The following TMEM132D variants were observed in gnomAD, a reference collection of about 807,000 sequenced individuals.
TMEM132D encodes the protein mature OL transmembrane protein.
A neutral mutation model predicts 62.3 loss-of-function variants in TMEM132D; 21 were observed. The ratio of observed to expected loss-of-function variants is 0.34; its 90% CI spans 0.24 to 0.49. The LOEUF (loss-of-function observed/expected upper bound fraction) is 0.49, where lower values mean the gene tolerates loss of function less well. Ranked by LOEUF, TMEM132D falls within the 20% of genes least tolerant of loss-of-function variation. TMEM132D has a pLI of 0.99. For synonymous variants in TMEM132D, 621 were observed against 575.6 expected (o/e 1.08, Z -1.13); for missense variants, 1,346 against 1,402.8 (o/e 0.96, Z 0.65).
At chr12:129,476,105 T>C (rs1042650241) in intron 3 of TMEM132D, among the ~76,000 whole-genome samples, 5 of 152,156 alleles carry the variant, frequency 3.3e-5, no homozygotes, top group African/African-American at 1.2e-4. Context: ...GTGGGGGGTT[T>C]AGTATCCCTG....
chr12:129,612,154 C>T (rs1205060655), intron 2 of TMEM132D, among the ~76,000 whole-genome samples: 1 of 152,146 alleles, frequency 6.6e-6, no homozygotes, highest in East Asian at 1.9e-4. Context: ...GCTGTAACAT[C>T]CATCACATTT....
At chr12:129,224,284 G>A (rs552227976) in intron 4 of TMEM132D, among the ~76,000 whole-genome samples, 25 of 152,186 alleles carry the variant, frequency 1.6e-4, no homozygotes, top group Admixed American at 6.5e-5. Context: ...TTTTCCCGGG[G>A]ATCCTCCCAT....
intron 2 of TMEM132D, among the ~76,000 whole-genome samples, chr12:129,533,677 A>G (rs1211172036): frequency 6.6e-6 from 1 of 152,250 alleles, no homozygotes; most frequent in African/African-American, 2.4e-5. Flanking sequence ...GGCTTGTTCA[A>G]CCCATGAAGT....
chr12:129,205,564 G>C (rs971912767), intron 5 of TMEM132D, among the ~76,000 whole-genome samples: 1 of 152,142 alleles, frequency 6.6e-6, no homozygotes, highest in Non-Finnish European at 1.5e-5. Context: ...TGCAATAATA[G>C]TGGGAAACTT....
chr12:129,078,808 G>T (rs915938078), intron 7 of TMEM132D, 83 bp from the exon 8 acceptor site: 1 of 1,405,146 alleles, frequency 7.1e-7, no homozygotes, highest in African/African-American at 1.4e-5. Context: ...GTGCCAGTGT[G>T]CAGGCAGCGG....
intron 4 of TMEM132D, among the ~76,000 whole-genome samples, chr12:129,252,849 T>C (rs145738137): frequency 0.053 from 7,983 of 151,908 alleles, 742 homozygotes; most frequent in African/African-American, 0.18. Context: ...CGCCATGGAA[T>C]ACTATGCAGC....
chr12:129,864,234 A>G (rs1174958250), intron 1 of TMEM132D, among the ~76,000 whole-genome samples: 1 of 152,216 alleles, frequency 6.6e-6, no homozygotes, highest in Non-Finnish European at 1.5e-5. Flanking sequence ...TTAGAACTGG[A>G]TTCTCCAGCC....
At chr12:129,417,911 A>G (rs1872178516) in intron 3 of TMEM132D, among the ~76,000 whole-genome samples, 1 of 152,262 alleles carries the variant, frequency 6.6e-6, no homozygotes, top group African/African-American at 2.4e-5. Context: ...ACACTTCTCA[A>G]AAGAAGACGT....
intron 5 of TMEM132D, among the ~76,000 whole-genome samples, chr12:129,168,027 C>A (rs775846268): frequency 3.3e-5 from 5 of 152,012 alleles, no homozygotes; most frequent in Non-Finnish European, 5.9e-5. Context: ...AACAATGGAG[C>A]TTTTTGCAAA....
intron 5 of TMEM132D, among the ~76,000 whole-genome samples, chr12:129,117,611 C>T (rs1481866760): frequency 1.3e-5 from 2 of 152,190 alleles, no homozygotes; most frequent in Non-Finnish European, 1.5e-5. Flanking sequence ...GGGACCCAGC[C>T]TTTCTCCTGG....
At chr12:129,569,754 C>T (rs1877460221) in intron 2 of TMEM132D, among the ~76,000 whole-genome samples, 1 of 152,130 alleles carries the variant, frequency 6.6e-6, no homozygotes, top group African/African-American at 2.4e-5. Flanking sequence ...CTACCCAGCT[C>T]TACTGTGAGA....
At chr12:129,188,057 C>A (rs1413901980) in intron 5 of TMEM132D, among the ~76,000 whole-genome samples, 1 of 152,228 alleles carries the variant, frequency 6.6e-6, no homozygotes, top group Non-Finnish European at 1.5e-5. Context: ...CAGTTTTAAT[C>A]TCTCTCCCAC....
At chr12:129,720,536 A>C (rs895366095) in intron 1 of TMEM132D, among the ~76,000 whole-genome samples, 20 of 152,192 alleles carry the variant, frequency 1.3e-4, no homozygotes, top group Admixed American at 3.9e-4. Flanking sequence ...CATTTTGTGA[A>C]TGTTAAGATA....
chr12:129,094,571 T>G (rs1875036663), intron 5 of TMEM132D, among the ~76,000 whole-genome samples: 1 of 152,226 alleles, frequency 6.6e-6, no homozygotes, highest in South Asian at 2.1e-4. Flanking sequence ...GGAACACTTT[T>G]ACACTGTTGG....
Position 129,692,978 on chromosome 12 carries a change from G to A in TMEM132D, c.968+6832C>T, listed in dbSNP as rs1881100149. 2.6e-5 allele frequency among the ~76,000 whole-genome samples: 4 copies of A among 152,048 alleles called. No homozygotes were observed. The South Asian group carries it at 8.3e-4, about 32-fold the overall frequency. On this transcript the variant is annotated intron_variant, in intron 2 of 8. Transcript: ENST00000422113. ...TAACAAACCTGCACATCCTGCACAC[G>A]TACCCTGGAACTTAACAATATATAA...
At chr12:129,863,296 T>C (rs1007036106) in intron 1 of TMEM132D, among the ~76,000 whole-genome samples, 1 of 149,412 alleles carries the variant, frequency 6.7e-6, no homozygotes, top group South Asian at 2.2e-4. Context: ...TGGAAACTAA[T>C]AGGTTTTCCA....
At chr12:129,179,893 T>C (rs951857007) in intron 5 of TMEM132D, among the ~76,000 whole-genome samples, 1 of 152,062 alleles carries the variant, frequency 6.6e-6, no homozygotes, top group Non-Finnish European at 1.5e-5. Context: ...CCAGGCGTGG[T>C]GGCTGGAGCC....
chr12:129,078,993 G>A (rs1238151783), intron 7 of TMEM132D, among the ~76,000 whole-genome samples: 3 of 152,106 alleles, frequency 2.0e-5, no homozygotes, highest in Non-Finnish European at 4.4e-5. Flanking sequence ...CATCAGCTCC[G>A]TTTCCCACCA....
In TMEM132D at chr12:129,647,048, C is replaced by T. The variant is rs149432867; in HGVS notation, c.968+52762G>A. On this transcript the variant is annotated intron_variant, in intron 2 of 8. Coordinates refer to ENST00000422113, the MANE Select transcript of TMEM132D (RefSeq NM_133448.3). ...CCACTGACCTCAGGTGATCCACCTGCCTCGGCCTCCCAAAGTGCTGAGATT... is the reference window on the plus strand; with the variant it reads ...CCACTGACCTCAGGTGATCCACCTGTCTCGGCCTCCCAAAGTGCTGAGATT... Among the ~76,000 whole-genome samples, 1,455 of 151,880 alleles carry T rather than the reference C, an allele frequency of 9.6e-3. 47 individuals carry two copies. In the South Asian group the frequency reaches 0.11, roughly 12 times the overall value.
Sources: gnomAD v4.1 joint callset for allele counts (sites outside exome capture counted in the v4.1 genomes callset) on GRCh38, gnomAD v4.1.1 for gene constraint, MANE v1.5 for transcripts, NCBI Gene and HGNC (gene_info 2026-07-23, HGNC 2026-07-21) for gene names.